H4C15: variants seen among roughly 807,000 people sequenced by gnomAD.
The protein encoded by H4C15 is histone H4.
downstream of H4C15, among the ~76,000 whole-genome samples, chr1:149,849,887 C>T (rs587771999): frequency 1.1e-4 from 17 of 152,284 alleles, no homozygotes; most frequent in South Asian, 3.3e-3. Flanking sequence ...TGAGCTATTC[C>T]CTTTTAAGTA....
the H4C15 span, chr1:149,848,555 C>T: frequency 6.6e-6 from 1 of 152,188 alleles, no homozygotes; most frequent in African/African-American, 2.4e-5. Flanking sequence ...TAATAGCATA[C>T]TACACTCCCC....
the H4C15 span, chr1:149,847,351 T>C: frequency 2.0e-5 from 3 of 152,268 alleles, no homozygotes; most frequent in Admixed American, 6.5e-5. Flanking sequence ...CATTGACTAC[T>C]GTTATGGGTT....
chr1:149,847,387 T>C, the H4C15 span: 2 of 152,264 alleles, frequency 1.3e-5, no homozygotes, highest in Admixed American at 6.5e-5. Context: ...GAAAGATATG[T>C]TGAAGTCTAA....
downstream of H4C15, chr1:149,850,289 G>A (rs782706618): frequency 2.4e-5 from 33 of 1,386,804 alleles, no homozygotes; most frequent in Middle Eastern, 1.8e-4. Context: ...TTCTTTAACT[G>A]AGGTGGTTAA....
At chr1:149,847,698 G>C in the H4C15 span, 2 of 152,228 alleles carry the variant, frequency 1.3e-5, no homozygotes, top group Non-Finnish European at 2.9e-5. Context: ...CCAGCTACTC[G>C]GGAGGCTGAG....
At chr1:149,847,058 G>A in the H4C15 span, 1 of 152,102 alleles carries the variant, frequency 6.6e-6, no homozygotes, top group South Asian at 2.1e-4. Context: ...GCTTCTAGAG[G>A]TTTATTTCTG....
the H4C15 span, chr1:149,848,385 G>A: frequency 1.3e-5 from 2 of 152,206 alleles, no homozygotes; most frequent in Non-Finnish European, 2.9e-5. Flanking sequence ...GTGCAGCAGG[G>A]ATCCAAGGTT....
downstream of H4C15, among the ~76,000 whole-genome samples, chr1:149,855,752 G>A (rs1179262076): frequency 7.0e-5 from 2 of 28,602 alleles, 1 homozygote; most frequent in East Asian, 1.2e-3. Context: ...GTGTGTGTGT[G>A]TGTGTGTGTG....
At chr1:149,850,442 G>C (rs1242806211), downstream of H4C15, 11 of 1,169,700 alleles carry the variant, frequency 9.4e-6, no homozygotes, top group Non-Finnish European at 1.4e-5. Flanking sequence ...CCTCGGACAC[G>C]GCGTGCTTGG....
At chr1:149,849,938 T>C (rs2092166522), downstream of H4C15, among the ~76,000 whole-genome samples, 1 of 152,224 alleles carries the variant, frequency 6.6e-6, no homozygotes. Flanking sequence ...TCTACCTTCA[T>C]TTTACCACTG....
At chr1:149,846,027 A>G in the H4C15 span, 1 of 152,168 alleles carries the variant, frequency 6.6e-6, no homozygotes, top group African/African-American at 2.4e-5. Flanking sequence ...GAGTTTAGGA[A>G]AGAGAAGGGG....
chr1:149,845,649 T>C, the H4C15 span: 7 of 152,238 alleles, frequency 4.6e-5, no homozygotes, highest in Non-Finnish European at 1.0e-4. Context: ...ACGGAGGTGC[T>C]TGAGGGCTGG....
the H4C15 span, chr1:149,844,563 G>A: frequency 6.6e-6 from 1 of 151,736 alleles, no homozygotes; most frequent in Admixed American, 6.6e-5. Context: ...AAAAGATCAA[G>A]TGAGAACAGA....
the H4C15 span, chr1:149,845,172 A>C: frequency 6.6e-6 from 1 of 152,216 alleles, no homozygotes; most frequent in African/African-American, 2.4e-5. Flanking sequence ...CTTTCTTACC[A>C]AAATTCACAC....
chr1:149,846,456 AAAAAT>A, the H4C15 span: 4 of 152,250 alleles, frequency 2.6e-5, no homozygotes, highest in Admixed American at 6.5e-5. Context: ...ATTTTACTGT[AAAAAT>A]AAAATACATT....
chr1:149,850,347 G>A (rs2101553268), downstream of H4C15: 2 of 700,538 alleles, frequency 2.9e-6, no homozygotes, highest in South Asian at 1.5e-5. Flanking sequence ...GCGACCCGCG[G>A]AGGGAGGGAG....
chr1:149,845,071 T>C, the H4C15 span: 3 of 152,238 alleles, frequency 2.0e-5, no homozygotes, highest in African/African-American at 7.2e-5. Flanking sequence ...CATTTGGTCC[T>C]GGGGACTGAG....
the H4C15 span, chr1:149,846,140 T>C: frequency 6.6e-6 from 1 of 152,150 alleles, no homozygotes; most frequent in Non-Finnish European, 1.5e-5. Flanking sequence ...TATGTGTGTA[T>C]ATATACACAC....
At chr1:149,846,329 T>C in the H4C15 span, 8 of 152,342 alleles carry the variant, frequency 5.3e-5, no homozygotes, top group African/African-American at 1.9e-4. Flanking sequence ...GTACGTATTA[T>C]GACCAATGGA....
Sources: gnomAD v4.1 joint callset for allele counts (sites outside exome capture counted in the v4.1 genomes callset) on GRCh38, gnomAD v4.1.1 for gene constraint, MANE v1.5 for transcripts, NCBI Gene and HGNC (gene_info 2026-07-23, HGNC 2026-07-21) for gene names.